Variants in NBPF12 observed in about 807,000 individuals in gnomAD.
NBPF12 encodes the protein NBPF member 12.
A neutral mutation model predicts 146.4 loss-of-function variants in NBPF12; 115 were observed. That is an observed-to-expected ratio of 0.79 (90% CI 0.68 to 0.92). The LOEUF is 0.92. NBPF12 is among the 40% of genes least tolerant of loss of function. The pLI is 0.00. For missense variants in NBPF12, 1,205 were observed against 1,326.8 expected (o/e 0.91, Z 1.43); for synonymous variants, 385 against 508.9 (o/e 0.76, Z 3.28).
At chr1:146,941,133 G>T (rs1429733542) in intron 1 of NBPF12, among the ~76,000 whole-genome samples, 2 of 151,416 alleles carry the variant, frequency 1.3e-5, no homozygotes, top group Non-Finnish European at 2.9e-5. Context: ...GCCCAGGCTG[G>T]AGTGCAGTGG....
At chr1:146,971,923 C>CAA (rs1183344325) in intron 13 of NBPF12, among the ~76,000 whole-genome samples, 2 of 138,518 alleles carry the variant, frequency 1.4e-5, no homozygotes, top group Non-Finnish European at 3.1e-5. Context: ...ACTAAAAATA[C>CAA]AAAAAAAAAA....
intron 33 of NBPF12, 50 bp from the exon 37 acceptor site, chr1:146,994,282 T>A (rs1658386822): frequency 1.2e-6 from 2 of 1,611,126 alleles, no homozygotes; most frequent in East Asian, 2.2e-5. Flanking sequence ...TGAGGCTCTG[T>A]GGTGTCTGAC....
At chr1:146,964,116 A>T (rs1303903217) in intron 6 of NBPF12, among the ~76,000 whole-genome samples, 9 of 142,960 alleles carry the variant, frequency 6.3e-5, no homozygotes, top group Non-Finnish European at 1.2e-4. Flanking sequence ...CTTCAGTGAT[A>T]TGGGAAGCAA....
chr1:146,980,247 A>G (rs1446860242), intron 19 of NBPF12, among the ~76,000 whole-genome samples: 1 of 151,962 alleles, frequency 6.6e-6, no homozygotes, highest in African/African-American at 2.4e-5. Flanking sequence ...CAGCGCACCG[A>G]TGGGTCTTGA....
At chr1:146,938,413 G>A (rs1654628507), upstream of NBPF12, among the ~76,000 whole-genome samples, 1 of 152,114 alleles carries the variant, frequency 6.6e-6, no homozygotes, top group African/African-American at 2.4e-5. Context: ...TGTGTCTCCC[G>A]CCTCTTTAAC....
chr1:146,940,286 A>G (rs1301926149), intron 1 of NBPF12, among the ~76,000 whole-genome samples: 1 of 151,990 alleles, frequency 6.6e-6, no homozygotes, highest in Non-Finnish European at 1.5e-5. Flanking sequence ...TTACTGAAGT[A>G]TACAGAAGAA....
At chr1:146,996,111 G>T (rs1658524582), downstream of NBPF12, 3 of 130,838 alleles carry the variant, frequency 2.3e-5, no homozygotes, top group Non-Finnish European at 4.7e-5. Flanking sequence ...CTTTTGGATT[G>T]TTTTTTACAT....
intron 5 of NBPF12, 108 bp downstream of exon 8, chr1:146,962,371 A>T: frequency 1.1e-6 from 1 of 901,064 alleles, no homozygotes; most frequent in Non-Finnish European, 1.8e-6. Context: ...GAAAGGGCAG[A>T]AATTGCCATG....
intron 1 of NBPF12, among the ~76,000 whole-genome samples, chr1:146,940,420 G>A (rs1262093431): frequency 1.3e-5 from 2 of 151,978 alleles, no homozygotes; most frequent in East Asian, 1.9e-4. Flanking sequence ...CCTGGGCAAC[G>A]TGGCAAAATG....
At chr1:146,975,226 C>T (rs1405238135) in intron 15 of NBPF12, among the ~76,000 whole-genome samples, 1 of 137,146 alleles carries the variant, frequency 7.3e-6, no homozygotes, top group Non-Finnish European at 1.5e-5. Context: ...TTCACTCAAT[C>T]AATGTTGCCT....
Position 146,966,401 on chromosome 1 carries a change from G to A in NBPF12, c.779-63G>A, listed in dbSNP as rs1237349982. 77 of 1,300,588 alleles carry A rather than the reference G, an allele frequency of 5.9e-5. No individual in the cohort carries two copies. The African/African-American group carries it at 1.0e-3, about 17-fold the overall frequency. 80.6% of individuals were successfully genotyped at this position (1,300,588 alleles called of 1,614,324 possible). A position where few individuals can be genotyped will look rare whatever the true frequency, so the allele number is the denominator to read the frequency against. ...GCTGCCAGTGACATCCCTCAGTCCT[G>A]ATTAAGCCTACTTGATTTCACCAGT... On this transcript the variant is annotated intron_variant, in intron 8 of 33. Transcript: ENST00000617844.
intron 23 of NBPF12, 112 bp downstream of exon 26, chr1:146,985,868 TC>T (rs1657722030): frequency 2.8e-6 from 2 of 727,048 alleles, no homozygotes; most frequent in Admixed American, 4.6e-5. Flanking sequence ...GTTGAATTAC[TC>T]CTACTGCCAT....
At chr1:146,960,548 G>C (rs1476828266) in intron 4 of NBPF12, among the ~76,000 whole-genome samples, 1 of 151,974 alleles carries the variant, frequency 6.6e-6, no homozygotes, top group South Asian at 2.1e-4. Context: ...TAAACTCACA[G>C]TTACTGATTT....
upstream of NBPF12, among the ~76,000 whole-genome samples, chr1:146,945,235 C>G (rs1257156639): frequency 1.1e-4 from 16 of 151,508 alleles, no homozygotes; most frequent in Non-Finnish European, 1.5e-4. Context: ...TTATCAAAAT[C>G]TCTGGAGCTG....
chr1:146,965,474 G>T (rs1383731100), intron 8 of NBPF12, among the ~76,000 whole-genome samples: 1 of 150,412 alleles, frequency 6.6e-6, no homozygotes, highest in Non-Finnish European at 1.5e-5. Flanking sequence ...CTTTTTCATT[G>T]GCTTGTCTTA....
chr1:146,975,436 T>C (rs1298586417), intron 15 of NBPF12, among the ~76,000 whole-genome samples: 1 of 150,300 alleles, frequency 6.7e-6, no homozygotes, highest in Non-Finnish European at 1.5e-5. Context: ...TACTTTTGTT[T>C]ACAGAGGGGA....
intron 1 of NBPF12, 128 bp from the exon 5 acceptor site, chr1:146,951,220 C>G (rs1188965917): frequency 1.6e-6 from 1 of 631,652 alleles, no homozygotes; most frequent in South Asian, 1.8e-5. Flanking sequence ...GTATGAGCTT[C>G]TCTCAGGCCA....
intron 32 of NBPF12, among the ~76,000 whole-genome samples, 178 bp downstream of exon 35, chr1:146,993,062 G>T (rs1658303147): frequency 2.3e-5 from 1 of 42,612 alleles, no homozygotes; most frequent in African/African-American, 7.3e-5. Flanking sequence ...CATGGGATGG[G>T]TCAGTGAGCA....
At chr1:146,981,340 A>T (rs1262838324) in intron 19 of NBPF12, among the ~76,000 whole-genome samples, 1 of 146,434 alleles carries the variant, frequency 6.8e-6, no homozygotes, top group Non-Finnish European at 1.5e-5. Flanking sequence ...ATAATAAAGG[A>T]AAACTATACA....
Sources: allele counts gnomAD v4.1 joint callset (sites outside exome capture counted in the v4.1 genomes callset), GRCh38; gene constraint gnomAD v4.1.1; transcripts MANE v1.5; gene names NCBI Gene and HGNC (gene_info 2026-07-23, HGNC 2026-07-21).